The following ARFGEF2 variants were observed in gnomAD, a reference collection of about 807,000 sequenced individuals.
The protein encoded by ARFGEF2 is brefeldin A-inhibited guanine nucleotide-exchange protein 2.
ARFGEF2 carries 74 observed loss-of-function variants against 219.9 expected under a neutral mutation model. That is an observed-to-expected ratio of 0.34 (90% CI 0.28 to 0.41). The LOEUF is 0.41. Ranked by LOEUF, ARFGEF2 falls within the 10% of genes least tolerant of loss-of-function variation. ARFGEF2 has a pLI of 1.00. For synonymous variants in ARFGEF2, 733 were observed against 799.2 expected (o/e 0.92, Z 1.40); for missense variants, 1,743 against 2,218.3 (o/e 0.79, Z 4.30).
At chr20:49,023,818 G>A (rs756976913) in intron 35 of ARFGEF2, among the ~76,000 whole-genome samples, 2 of 152,148 alleles carry the variant, frequency 1.3e-5, no homozygotes, top group African/African-American at 2.4e-5. Flanking sequence ...GATTACAGGC[G>A]TGAGCCACCG....
chr20:48,996,774 G>A (rs2091392344), intron 23 of ARFGEF2, among the ~76,000 whole-genome samples: 1 of 145,976 alleles, frequency 6.9e-6, no homozygotes, highest in Admixed American at 6.8e-5. Context: ...ACCCATGAAT[G>A]AGAGTTGGCT....
chr20:48,968,074 A>C (rs2091200019), intron 8 of ARFGEF2, among the ~76,000 whole-genome samples: 1 of 152,000 alleles, frequency 6.6e-6, no homozygotes, highest in African/African-American at 2.4e-5. Context: ...GCTCACTGCA[A>C]GCTCTGCCTC....
At chr20:48,933,060 C>T (rs944200292) in intron 1 of ARFGEF2, among the ~76,000 whole-genome samples, 4 of 152,068 alleles carry the variant, frequency 2.6e-5, no homozygotes, top group Non-Finnish European at 4.4e-5. Flanking sequence ...GTCAGAGGTG[C>T]TGGTGAATGG....
chr20:49,016,396 G>T lies in ARFGEF2; in HGVS notation c.4296G>T (p.Leu1432Phe), dbSNP rs1010086911. 6.2e-7 allele frequency: 1 copy of T among 1,613,166 alleles called. No individual in the cohort carries two copies. The highest frequency in any genetic ancestry group is 1.7e-5 in the Admixed American group (1 of 60,022). ...TTCTTTCTGATGTATTTGCACAATT[G>T]CAGTGGTGTGTCAAACAAGGTACTC... The part of the protein sequence containing the change: ...EVLLSDVFAQ[L>F]QWCVKQDNEQ... Residue 1432 changes from leucine to phenylalanine, a missense_variant, in exon 31 of 39, where the codon TTG becomes TTT. Leu to Phe is a conservative substitution (Grantham distance 22). Coordinates refer to ENST00000371917, the MANE Select transcript of ARFGEF2 (RefSeq NM_006420.3).
In ARFGEF2 at chr20:48,921,777, C is replaced by CGGCGCGGACG. The variant is rs1469007893; in HGVS notation, c.-111_-102dup. On this transcript the variant is annotated 5_prime_UTR_variant, in exon 1 of 39. Coordinates refer to ENST00000371917, the MANE Select transcript of ARFGEF2 (RefSeq NM_006420.3). Reference sequence around the variant, plus strand: ...GCCGAGGTGTCGCTTCCTGACGGGGCGGCGCGGACGGACGCGGCCGGTGCC... The same window carrying CGGCGCGGACG: ...GCCGAGGTGTCGCTTCCTGACGGGGCGGCGCGGACGGGCGCGGACGGACGCGGCCGGTGCC... 1 of 1,100,766 alleles carries CGGCGCGGACG rather than the reference C, an allele frequency of 9.1e-7. No homozygotes were observed. The highest frequency in any genetic ancestry group is 1.7e-5 in the African/African-American group (1 of 59,594). 68.2% of individuals were successfully genotyped at this position (1,100,766 alleles called of 1,614,324 possible). A position where few individuals can be genotyped will look rare whatever the true frequency, so the allele number is the denominator to read the frequency against.
At chr20:49,008,153 C>G (rs542421920) in intron 26 of ARFGEF2, among the ~76,000 whole-genome samples, 1 of 152,062 alleles carries the variant, frequency 6.6e-6, no homozygotes, top group Non-Finnish European at 1.5e-5. Context: ...TATAGTAAAG[C>G]GTTATATGTC....
intron 34 of ARFGEF2, among the ~76,000 whole-genome samples, chr20:49,020,607 G>A (rs978850501): frequency 6.6e-6 from 1 of 152,020 alleles, no homozygotes; most frequent in Admixed American, 6.6e-5. Context: ...CACCACATTC[G>A]GCTAATTATT....
chr20:48,922,554 A>G (rs187316903), intron 1 of ARFGEF2, among the ~76,000 whole-genome samples: 1 of 152,362 alleles, frequency 6.6e-6, no homozygotes, highest in East Asian at 1.9e-4. Context: ...GTAGTGAGCA[A>G]GACATCTGCT....
At chr20:48,943,019 C>T (rs2091003598) in intron 3 of ARFGEF2, among the ~76,000 whole-genome samples, 1 of 152,174 alleles carries the variant, frequency 6.6e-6, no homozygotes, top group Non-Finnish European at 1.5e-5. Flanking sequence ...GGCACATCAC[C>T]ACCTTCTTGC....
Position 49,034,970 on chromosome 20 carries a change from T to C in ARFGEF2, c.*1771T>C, listed in dbSNP as rs1385318411. 1 of 152,198 alleles carries C rather than the reference T, an allele frequency of 6.6e-6. No individual in the cohort carries two copies. Among genetic ancestry groups the C allele is most frequent in the East Asian group, 1.9e-4 (1 of 5,200 alleles). 9.4% of individuals were successfully genotyped at this position (152,198 alleles called of 1,614,324 possible). On this transcript the variant is annotated 3_prime_UTR_variant, in exon 39 of 39. Coordinates refer to ENST00000371917, the MANE Select transcript of ARFGEF2 (RefSeq NM_006420.3). ...TTAGCAGGAAGGGACTATGGGAGAA[T>C]ACTTTACTGTGAGTGGAAAATGTTA... is the stretch of plus-strand genomic sequence containing the variant.
intron 23 of ARFGEF2, among the ~76,000 whole-genome samples, chr20:48,997,115 A>G (rs2091395634): frequency 6.6e-6 from 1 of 152,028 alleles, no homozygotes; most frequent in Non-Finnish European, 1.5e-5. Context: ...CAACTCATGT[A>G]TGTTGCCTCT....
rs886056769 is a variant in ARFGEF2 at position 49,035,266 on chromosome 20, G to C, written c.*2067G>C. 3 of 152,126 alleles carry C rather than the reference G, an allele frequency of 2.0e-5. No homozygotes were observed. Among genetic ancestry groups the C allele is most frequent in the Non-Finnish European group, 4.4e-5 (3 of 68,030 alleles). 9.4% of individuals were successfully genotyped at this position (152,126 alleles called of 1,614,324 possible). ...GACTAAAATTTTTCTGGTGTCTTCT[G>C]CCCTCTCTTTAATTTTGCCTCTTGA... On this transcript the variant is annotated 3_prime_UTR_variant, in exon 39 of 39. Coordinates refer to ENST00000371917, the MANE Select transcript of ARFGEF2 (RefSeq NM_006420.3).
Position 49,033,306 on chromosome 20 carries a change from A to G in ARFGEF2, c.*107A>G, listed in dbSNP as rs1214937867. ...TAGAAACAAGGAGTTGGCATCTTGG[A>G]TCTCAGAATGGCCTGGAAACGGATG... is the stretch of plus-strand genomic sequence containing the variant. On this transcript the variant is annotated 3_prime_UTR_variant, in exon 39 of 39. Coordinates refer to ENST00000371917, the MANE Select transcript of ARFGEF2 (RefSeq NM_006420.3). The G allele has an allele frequency of 3.8e-6, 5 of 1,311,660 alleles. No homozygotes were observed. Among genetic ancestry groups the G allele is most frequent in the Non-Finnish European group, 5.4e-6 (5 of 928,166 alleles). The allele number at this position is 1,311,660 out of a possible 1,614,324, so 81.3% of individuals were successfully genotyped here. A position where few individuals can be genotyped will look rare whatever the true frequency, so the allele number is the denominator to read the frequency against.
At chr20:49,019,510 T>C (rs1353757412) in intron 34 of ARFGEF2, among the ~76,000 whole-genome samples, 5 of 152,254 alleles carry the variant, frequency 3.3e-5, no homozygotes, top group Admixed American at 6.5e-5. Flanking sequence ...ATATTACTTA[T>C]AATCTTTTGC....
At chr20:48,988,211 C>A (rs1281444833) in intron 16 of ARFGEF2, 93 bp from the exon 17 acceptor site, 6 of 890,904 alleles carry the variant, frequency 6.7e-6, no homozygotes, top group Non-Finnish European at 1.1e-5. Flanking sequence ...GGGGAGTAGT[C>A]GGCTGCTTTT....
chr20:49,007,592 C>CTTTTTTTTTTT, intron 26 of ARFGEF2, among the ~76,000 whole-genome samples: 1 of 97,844 alleles, frequency 1.0e-5, no homozygotes, highest in African/African-American at 3.9e-5. Flanking sequence ...CCTGGTGTTG[C>CTTTTTTTTTTT]TTTTTTTTTT....
At chr20:48,988,745 T>C (rs1295918048) in intron 18 of ARFGEF2, 83 bp downstream of exon 18, 2 of 1,278,396 alleles carry the variant, frequency 1.6e-6, no homozygotes, top group African/African-American at 3.0e-5. Flanking sequence ...TGGTGATAAA[T>C]TTAATGTGCA....
At chr20:48,964,359 C>T (rs4809737) in intron 7 of ARFGEF2, among the ~76,000 whole-genome samples, 48,645 of 152,036 alleles carry the variant, frequency 0.32, 7,996 homozygotes, top group East Asian at 0.47. Flanking sequence ...GAGCCGAGAA[C>T]GCACCACTGC....
chr20:48,964,969 T>A (rs552750508), intron 7 of ARFGEF2, among the ~76,000 whole-genome samples: 100 of 152,362 alleles, frequency 6.6e-4, no homozygotes, highest in Non-Finnish European at 1.3e-3. Flanking sequence ...GGATACAGTT[T>A]TATAAATTAA....
Sources: allele counts gnomAD v4.1 joint callset (sites outside exome capture counted in the v4.1 genomes callset), GRCh38; gene constraint gnomAD v4.1.1; transcripts MANE v1.5; gene names NCBI Gene and HGNC (gene_info 2026-07-23, HGNC 2026-07-21).